The following KHDRBS3 variants were observed in gnomAD, a reference collection of about 807,000 sequenced individuals.
KHDRBS3 encodes KH RNA binding domain containing, signal transduction associated 3, also known as KH domain-containing, RNA-binding, signal transduction-associated protein 3.
A neutral mutation model predicts 45.6 loss-of-function variants in KHDRBS3; 23 were observed. That is an observed-to-expected ratio of 0.50 (90% CI 0.36 to 0.72). KHDRBS3 has a LOEUF of 0.72. Ranked by LOEUF, KHDRBS3 falls within the 30% of genes least tolerant of loss-of-function variation. KHDRBS3 has a pLI of 0.00. For missense variants in KHDRBS3, 352 were observed against 424.8 expected (o/e 0.83, Z 1.51); for synonymous variants, 162 against 156.5 (o/e 1.04, Z -0.26).
At chr8:135,636,047 G>T (rs923557166) in intron 7 of KHDRBS3, among the ~76,000 whole-genome samples, 11 of 152,152 alleles carry the variant, frequency 7.2e-5, no homozygotes, top group African/African-American at 2.2e-4. Flanking sequence ...TTTACTTAAA[G>T]TGACAGGCTC....
intron 4 of KHDRBS3, among the ~76,000 whole-genome samples, chr8:135,553,242 T>C (rs1826702782): frequency 6.6e-6 from 1 of 152,162 alleles, no homozygotes; most frequent in South Asian, 2.1e-4. Flanking sequence ...TGTAGCACTT[T>C]TTAATGAATA....
intron 1 of KHDRBS3, among the ~76,000 whole-genome samples, chr8:135,478,572 G>A (rs1822410866): frequency 6.6e-6 from 1 of 152,148 alleles, no homozygotes; most frequent in Non-Finnish European, 1.5e-5. Flanking sequence ...TAGACCACAT[G>A]CCAGTTCATA....
intron 7 of KHDRBS3, among the ~76,000 whole-genome samples, chr8:135,613,627 G>A (rs1015369267): frequency 2.0e-5 from 3 of 151,722 alleles, no homozygotes; most frequent in East Asian, 1.9e-4. Context: ...GAGTGGCTAC[G>A]AAGAGCAGGT....
chr8:135,574,835 T>A (rs974134564), intron 5 of KHDRBS3, among the ~76,000 whole-genome samples: 1 of 152,212 alleles, frequency 6.6e-6, no homozygotes, highest in African/African-American at 2.4e-5. Context: ...TTAAATAAAC[T>A]GTTGATTTTT....
chr8:135,643,039 C>T (rs1339708169), intron 7 of KHDRBS3, among the ~76,000 whole-genome samples: 1 of 152,030 alleles, frequency 6.6e-6, no homozygotes, highest in Non-Finnish European at 1.5e-5. Flanking sequence ...GTGATCCGCC[C>T]GCCTCAGCCT....
chr8:135,594,586 G>T (rs1042108751), intron 6 of KHDRBS3, among the ~76,000 whole-genome samples: 1 of 152,126 alleles, frequency 6.6e-6, no homozygotes, highest in African/African-American at 2.4e-5. Context: ...TAAATAATTT[G>T]TTTTTGGCTC....
intron 4 of KHDRBS3, among the ~76,000 whole-genome samples, chr8:135,553,197 CA>C (rs1362927751): frequency 1.3e-5 from 2 of 152,110 alleles, no homozygotes; most frequent in African/African-American, 2.4e-5. Context: ...CATCCTTAGG[CA>C]AGCAGGCCAG....
chr8:135,486,980 A>G (rs767096554), intron 1 of KHDRBS3, among the ~76,000 whole-genome samples: 1 of 152,202 alleles, frequency 6.6e-6, no homozygotes, highest in Non-Finnish European at 1.5e-5. Context: ...TTTCTCTCCT[A>G]TCAGGTATTT....
At chr8:135,626,583 C>T (rs1279134995) in intron 7 of KHDRBS3, among the ~76,000 whole-genome samples, 1 of 152,014 alleles carries the variant, frequency 6.6e-6, no homozygotes, top group African/African-American at 2.4e-5. Context: ...GCGGGCGGAT[C>T]ACGAGGTCAG....
Position 135,543,467 on chromosome 8 carries a change from T to C in KHDRBS3, c.324+697T>C, listed in dbSNP as rs192732838. Among the ~76,000 whole-genome samples, 177 of 152,298 alleles carry C rather than the reference T, an allele frequency of 1.2e-3. 5 individuals carry two copies. The highest frequency in any genetic ancestry group is 0.011 in the Admixed American group (172 of 15,288). ...TATATTACTGAGAACCAAATCCACA[T>C]TGAGTGATCACATACCGTGAAATGT... On this transcript the variant is annotated intron_variant, in intron 3 of 8. Transcript: ENST00000355849.
At chr8:135,548,338 G>A (rs1826411743) in intron 3 of KHDRBS3, among the ~76,000 whole-genome samples, 1 of 152,200 alleles carries the variant, frequency 6.6e-6, no homozygotes, top group Non-Finnish European at 1.5e-5. Flanking sequence ...CCTTGTACCA[G>A]CATCACAGAG....
In KHDRBS3 at chr8:135,511,515, C is replaced by T. The variant is rs541688996; in HGVS notation, c.89-9722C>T. Among the ~76,000 whole-genome samples the T allele has an allele frequency of 3.0e-4, 45 of 151,954 alleles. No homozygotes were observed. In the South Asian group the frequency reaches 3.1e-3, roughly 11 times the overall value. On this transcript the variant is annotated intron_variant, in intron 1 of 8. Coordinates refer to ENST00000355849, the MANE Select transcript of KHDRBS3 (RefSeq NM_006558.3). ...TGTATGTATATTTAAGGACATTTTA[C>T]GTACAAATATTTGCTCTGTTTTTTT... is the stretch of plus-strand genomic sequence containing the variant.
chr8:135,512,436 G>GGGT (rs1554620163), intron 1 of KHDRBS3, among the ~76,000 whole-genome samples: 10 of 130,106 alleles, frequency 7.7e-5, no homozygotes, highest in African/African-American at 1.7e-4. Context: ...AGTCGGGGGG[G>GGGT]GGGTAATAAC....
At chr8:135,593,856 A>G (rs1271943284) in intron 6 of KHDRBS3, among the ~76,000 whole-genome samples, 1 of 152,204 alleles carries the variant, frequency 6.6e-6, no homozygotes, top group South Asian at 2.1e-4. Context: ...TACAAAGAAT[A>G]GGGAGGAACA....
chr8:135,525,280 T>C (rs962912535), intron 2 of KHDRBS3, among the ~76,000 whole-genome samples: 1 of 152,210 alleles, frequency 6.6e-6, no homozygotes, highest in African/African-American at 2.4e-5. Context: ...TTTTTGTGTC[T>C]AATTTTTGTC....
chr8:135,510,409 A>G (rs533571129), intron 1 of KHDRBS3, among the ~76,000 whole-genome samples: 2 of 152,292 alleles, frequency 1.3e-5, no homozygotes, highest in Admixed American at 6.5e-5. Flanking sequence ...GATTAGTTAA[A>G]GTGGAAAGTC....
intron 6 of KHDRBS3, among the ~76,000 whole-genome samples, chr8:135,600,244 A>G (rs886379053): frequency 2.0e-5 from 3 of 152,244 alleles, no homozygotes; most frequent in African/African-American, 7.2e-5. Context: ...GGGAAGGGGT[A>G]CAAGTGAGGA....
intron 1 of KHDRBS3, among the ~76,000 whole-genome samples, chr8:135,469,756 T>C (rs1306858341): frequency 6.6e-6 from 1 of 152,176 alleles, no homozygotes; most frequent in African/African-American, 2.4e-5. Flanking sequence ...CTCAAACTCC[T>C]GACCTCGTGA....
chr8:135,544,353 G>T (rs1826186389), intron 3 of KHDRBS3, among the ~76,000 whole-genome samples: 1 of 152,166 alleles, frequency 6.6e-6, no homozygotes, highest in Non-Finnish European at 1.5e-5. Context: ...GCTTTATCTG[G>T]ATTGTATGCC....
Sources: allele counts gnomAD v4.1 joint callset (sites outside exome capture counted in the v4.1 genomes callset), GRCh38; gene constraint gnomAD v4.1.1; transcripts MANE v1.5; gene names NCBI Gene and HGNC (gene_info 2026-07-23, HGNC 2026-07-21).